CNTN4: variants seen among roughly 807,000 people sequenced by gnomAD.
The protein encoded by CNTN4 is contactin 4.
Under a neutral mutation model 122.5 loss-of-function variants are expected in CNTN4, and 77 were observed. The ratio of observed to expected loss-of-function variants is 0.63; its 90% CI spans 0.52 to 0.76. The LOEUF is 0.76. CNTN4 is among the 30% of genes least tolerant of loss of function. The pLI is 0.00. For synonymous variants in CNTN4, 512 were observed against 447.0 expected, an observed-to-expected ratio of 1.15 and a Z score of -1.83; for missense variants, 1,256 against 1,259.1, an observed-to-expected ratio of 1.00 and a Z score of 0.04.
intron 4 of CNTN4, among the ~76,000 whole-genome samples, chr3:2,731,628 A>C (rs1289714484): frequency 1.3e-5 from 2 of 152,182 alleles, no homozygotes; most frequent in Non-Finnish European, 2.9e-5. Flanking sequence ...AGGGTGGAAA[A>C]TCATTGCCTT....
chr3:2,264,938 C>G (rs1437211835), intron 2 of CNTN4, among the ~76,000 whole-genome samples: 4 of 151,916 alleles, frequency 2.6e-5, no homozygotes, highest in African/African-American at 9.7e-5. Flanking sequence ...GTGTTGATTT[C>G]TGAGATTTTG....
chr3:2,991,719 T>C (rs972118694), intron 14 of CNTN4, among the ~76,000 whole-genome samples: 7 of 152,110 alleles, frequency 4.6e-5, no homozygotes, highest in Non-Finnish European at 7.4e-5. Context: ...AGAAAACCAT[T>C]CTGAACTCCG....
At chr3:2,426,067 C>G (rs2047818644) in intron 3 of CNTN4, among the ~76,000 whole-genome samples, 1 of 152,280 alleles carries the variant, frequency 6.6e-6, no homozygotes, top group East Asian at 1.9e-4. Flanking sequence ...ATTTCCTTCT[C>G]CTGCCTGATT....
intron 2 of CNTN4, among the ~76,000 whole-genome samples, chr3:2,250,371 TAAAC>T (rs1302485070): frequency 6.6e-6 from 1 of 152,052 alleles, no homozygotes; most frequent in East Asian, 1.9e-4. Context: ...TACTTGTAGT[TAAAC>T]AAAATTAGAT....
rs34779120 is a variant in CNTN4, at chr3:2,507,734, C to CA, written c.-88-63666dup. On this transcript the variant is annotated intron_variant, in intron 3 of 24. Coordinates refer to ENST00000418658, the MANE Select transcript of CNTN4 (RefSeq NM_175607.3). ...TGGGCCACAGTGAGAGACTTTGTCT[C>CA]AAAAAAAAAAAAAAAAGAAAGAAAG... 4.9e-3 allele frequency among the ~76,000 whole-genome samples: 529 copies of CA among 108,718 alleles called. 6 individuals carry two copies. The highest frequency in any genetic ancestry group is 0.015 in the African/African-American group (441 of 28,754). The allele number at this position is 108,718 out of a possible 152,430, so 71.3% of individuals were successfully genotyped here. A position where few individuals can be genotyped will look rare whatever the true frequency, so the allele number is the denominator to read the frequency against.
At chr3:2,612,300 T>G (rs2149835641) in intron 4 of CNTN4, among the ~76,000 whole-genome samples, 1 of 152,252 alleles carries the variant, frequency 6.6e-6, no homozygotes, top group Middle Eastern at 3.4e-3. Context: ...ATCACTTACC[T>G]AGCCTACATT....
intron 7 of CNTN4, among the ~76,000 whole-genome samples, chr3:2,840,381 C>G (rs2093327690): frequency 6.6e-6 from 1 of 151,934 alleles, no homozygotes; most frequent in African/African-American, 2.4e-5. Flanking sequence ...TCCTCTTTCT[C>G]CTCCTCCTCC....
At chr3:2,758,695 C>T (rs747487476) in intron 6 of CNTN4, among the ~76,000 whole-genome samples, 17 of 151,746 alleles carry the variant, frequency 1.1e-4, no homozygotes, top group Non-Finnish European at 2.2e-4. Context: ...TTAGTAGAGA[C>T]GGGGTTTCAC....
chr3:2,233,297 T>C (rs2039557973), intron 2 of CNTN4, among the ~76,000 whole-genome samples: 1 of 152,158 alleles, frequency 6.6e-6, no homozygotes, highest in African/African-American at 2.4e-5. Context: ...ATATTGAGTA[T>C]TTTAATGTCA....
At chr3:2,511,717 C>T (rs2076893319) in intron 3 of CNTN4, 1 of 152,126 alleles carries the variant, frequency 6.6e-6, no homozygotes, top group African/African-American at 2.4e-5. Flanking sequence ...AGGTTTTACC[C>T]CCCTCTTTCT....
At chr3:2,814,830 T>C (rs2092691969) in intron 6 of CNTN4, among the ~76,000 whole-genome samples, 1 of 152,332 alleles carries the variant, frequency 6.6e-6, no homozygotes, top group African/African-American at 2.4e-5. Context: ...GTGTCACCTA[T>C]AAATTGGGAG....
intron 12 of CNTN4, among the ~76,000 whole-genome samples, chr3:2,904,132 A>T (rs2151161926): frequency 6.6e-6 from 1 of 152,314 alleles, no homozygotes; most frequent in East Asian, 1.9e-4. Context: ...CACAAAAACA[A>T]ATGCAAATGA....
At chr3:2,331,181 G>T (rs1197812087) in intron 2 of CNTN4, among the ~76,000 whole-genome samples, 1 of 152,192 alleles carries the variant, frequency 6.6e-6, no homozygotes, top group Non-Finnish European at 1.5e-5. Context: ...TTCCTTAGTT[G>T]AAATTGAAGG....
chr3:2,390,215 AGTGT>A lies in CNTN4; in HGVS notation c.-89+51015_-89+51018del, dbSNP rs142190283. The stretch of plus-strand genomic sequence containing the variant: ...ACTGTCAATGGGTTTAGGAAAAAAG[AGTGT>A]GTGTGTGTGTGTGTGTGTGTGTGTG... On this transcript the variant is annotated intron_variant, in intron 3 of 24. Transcript: ENST00000418658. 6.4e-3 allele frequency among the ~76,000 whole-genome samples: 933 copies of A among 144,834 alleles called. 5 individuals carry two copies. The highest frequency in any genetic ancestry group is 0.012 in the South Asian group (55 of 4,488).
chr3:2,306,065 T>C (rs1450355542), intron 2 of CNTN4, among the ~76,000 whole-genome samples: 1 of 152,212 alleles, frequency 6.6e-6, no homozygotes, highest in African/African-American at 2.4e-5. Context: ...TTTTTATTTT[T>C]TGTAATTATA....
chr3:2,362,922 A>C (rs1475216845), intron 3 of CNTN4, among the ~76,000 whole-genome samples: 3 of 152,256 alleles, frequency 2.0e-5, no homozygotes, highest in Non-Finnish European at 2.9e-5. Context: ...AGATTCTCAC[A>C]TAAAGCCTAA....
chr3:2,672,428 A>C (rs76364091), intron 4 of CNTN4, among the ~76,000 whole-genome samples: 1 of 152,074 alleles, frequency 6.6e-6, no homozygotes, highest in Admixed American at 6.5e-5. Context: ...GCGGGATATA[A>C]TCTCCTGGTT....
Position 3,026,180 on chromosome 3 carries a change from C to T in CNTN4, c.1565C>T (p.Thr522Met), listed in dbSNP as rs201304801. The change falls in exon 15 of 25, where the codon ACG (threonine) becomes ATG (methionine). Residue 522 changes from threonine to methionine, a missense_variant. Coordinates refer to ENST00000418658, the MANE Select transcript of CNTN4 (RefSeq NM_175607.3). ...AGTATTGTTTTACCGTGCCAGGTAACGCATGATCACTCGCTAGACATCGTG... is the reference window on the plus strand; with the variant it reads ...AGTATTGTTTTACCGTGCCAGGTAATGCATGATCACTCGCTAGACATCGTG... ...GESIVLPCQVTHDHSLDIVFT... is the reference protein window; with the variant it reads ...GESIVLPCQVMHDHSLDIVFT... The T allele has an allele frequency of 1.5e-4, 238 of 1,613,110 alleles. 3 individuals are homozygous for T. Among genetic ancestry groups the T allele is most frequent in the Non-Finnish European group, 1.9e-4 (221 of 1,179,372 alleles).
chr3:2,643,090 A>T (rs1268161620), intron 4 of CNTN4, among the ~76,000 whole-genome samples: 1 of 152,226 alleles, frequency 6.6e-6, no homozygotes, highest in Non-Finnish European at 1.5e-5. Context: ...AAACTCTATC[A>T]TCTCTATGGA....
Sources: allele counts gnomAD v4.1 joint callset (sites outside exome capture counted in the v4.1 genomes callset), GRCh38; gene constraint gnomAD v4.1.1; transcripts MANE v1.5; gene names NCBI Gene and HGNC (gene_info 2026-07-23, HGNC 2026-07-21).